The following KDM2A variants were observed in gnomAD, a reference collection of about 807,000 sequenced individuals.
KDM2A encodes the protein lysine demethylase 2A.
Under a neutral mutation model 137.3 loss-of-function variants are expected in KDM2A, and 3 were observed. The ratio of observed to expected loss-of-function variants is 0.02; its 90% CI spans 0.01 to 0.06. The LOEUF (loss-of-function observed/expected upper bound fraction) is 0.06, where lower values mean the gene tolerates loss of function less well. Among genes scored for constraint, KDM2A ranks in the 10% least tolerant of loss-of-function variants. The probability of loss-of-function intolerance (pLI) is 1.00; values close to 1 mark genes in which losing one functional copy is unlikely to be tolerated. For synonymous variants in KDM2A, 512 were observed against 541.5 expected (o/e 0.95, Z 0.76); for missense variants, 738 against 1,510.6 (o/e 0.49, Z 8.48).
chr11:67,238,024 C>G (rs1333090877), intron 12 of KDM2A, among the ~76,000 whole-genome samples: 1 of 151,970 alleles, frequency 6.6e-6, no homozygotes, highest in Non-Finnish European at 1.5e-5. Context: ...TTCATACATT[C>G]TTACTGAATA....
intron 5 of KDM2A, among the ~76,000 whole-genome samples, chr11:67,185,621 G>A (rs1012631158): frequency 4.7e-5 from 7 of 149,668 alleles, no homozygotes; most frequent in Non-Finnish European, 8.9e-5. Flanking sequence ...CCTTGGTGAC[G>A]AGCGAAACTC....
intron 5 of KDM2A, among the ~76,000 whole-genome samples, chr11:67,203,859 GGTGCGATCTT>G (rs1357210859): frequency 6.6e-6 from 1 of 150,878 alleles, no homozygotes; most frequent in Non-Finnish European, 1.5e-5. Flanking sequence ...GGAGTGCAGT[GGTGCGATCTT>G]GGCTCACTGC....
At chr11:67,146,587 C>T (rs1162326152) in intron 2 of KDM2A, among the ~76,000 whole-genome samples, 3 of 152,094 alleles carry the variant, frequency 2.0e-5, no homozygotes, top group African/African-American at 7.2e-5. Flanking sequence ...AGGTTCACTG[C>T]AACCTCCACC....
At position 67,215,289 on chromosome 11, in the gene KDM2A, TG is replaced by T; in HGVS notation, c.487-50del. On this transcript the variant is annotated intron_variant, in intron 6 of 20. Coordinates refer to ENST00000529006, the MANE Select transcript of KDM2A (RefSeq NM_012308.3). ...CTTTTCTTGACTTTAAAATTATCTT[TG>T]ACCCCAACCTTTCCCTTGGAGCCCA... 4 of 1,195,422 alleles carry T rather than the reference TG, an allele frequency of 3.3e-6. No individual in the cohort carries two copies. In the East Asian group the frequency reaches 9.5e-5, roughly 28 times the overall value. 74.1% of individuals were successfully genotyped at this position (1,195,422 alleles called of 1,614,324 possible).
rs1856890866 is a variant in KDM2A, at chr11:67,172,003, T to G, written c.43-8076T>G. Among the ~76,000 whole-genome samples the G allele has an allele frequency of 2.0e-5, 3 of 152,308 alleles. No individual in the cohort carries two copies. The South Asian group carries it at 6.2e-4, about 32-fold the overall frequency. ...TAGTGAGTTCTTCACTCTTCTTTTT[T>G]CTTTGGAGGCAGGATCTCACTCTGT... On this transcript the variant is annotated intron_variant, in intron 2 of 20. Transcript: ENST00000529006.
intron 5 of KDM2A, among the ~76,000 whole-genome samples, chr11:67,187,004 A>G (rs994831347): frequency 2.0e-5 from 3 of 152,240 alleles, no homozygotes; most frequent in African/African-American, 7.2e-5. Context: ...TTGTGACATC[A>G]GTAACCAAAA....
At chr11:67,208,112 A>G (rs896686632) in intron 6 of KDM2A, among the ~76,000 whole-genome samples, 1 of 151,730 alleles carries the variant, frequency 6.6e-6, no homozygotes, top group East Asian at 1.9e-4. Flanking sequence ...GCTGAAGGTA[A>G]ACAAGACTAT....
At chr11:67,215,620 G>A (rs770083425) in intron 7 of KDM2A, 174 bp downstream of exon 7, 15 of 616,388 alleles carry the variant, frequency 2.4e-5, no homozygotes, top group Non-Finnish European at 4.3e-5. Context: ...GCATACCATA[G>A]CACACAACCA....
At chr11:67,179,117 T>C (rs1267806892) in intron 2 of KDM2A, among the ~76,000 whole-genome samples, 3 of 152,182 alleles carry the variant, frequency 2.0e-5, no homozygotes, top group African/African-American at 7.2e-5. Context: ...GGTATTTCAT[T>C]GTGGTTTTTG....
chr11:67,235,259 T>G (rs927310957), intron 12 of KDM2A, among the ~76,000 whole-genome samples: 11 of 151,970 alleles, frequency 7.2e-5, no homozygotes, highest in African/African-American at 9.6e-5. Flanking sequence ...ATGTTGACTC[T>G]TGAAAGTGTA....
intron 10 of KDM2A, among the ~76,000 whole-genome samples, chr11:67,220,635 T>C (rs1201354711): frequency 1.3e-5 from 2 of 152,196 alleles, no homozygotes. Context: ...AGAAAAAAGT[T>C]AATTTATTAT....
intron 2 of KDM2A, among the ~76,000 whole-genome samples, chr11:67,126,295 C>A (rs1355517111): frequency 6.6e-6 from 1 of 151,282 alleles, no homozygotes; most frequent in African/African-American, 2.4e-5. Context: ...TTGTCTTTTG[C>A]CAGTTATGGT....
At chr11:67,229,713 TA>T (rs1590808684) in intron 11 of KDM2A, among the ~76,000 whole-genome samples, 2 of 144,046 alleles carry the variant, frequency 1.4e-5, no homozygotes, top group East Asian at 4.2e-4. Context: ...TACTAAAAAA[TA>T]CAGAAATTAG....
intron 5 of KDM2A, among the ~76,000 whole-genome samples, chr11:67,206,067 A>G (rs928755348): frequency 6.6e-6 from 1 of 152,222 alleles, no homozygotes; most frequent in Non-Finnish European, 1.5e-5. Context: ...GGTGATACTC[A>G]TTCTCCACAA....
rs548074852 is a variant in KDM2A, at chr11:67,248,337, G to A, written c.2022G>A (p.Lys674=). The A allele has an allele frequency of 1.2e-6, 2 of 1,607,418 alleles. No individual in the cohort carries two copies. The highest frequency in any genetic ancestry group is 2.2e-5 in the South Asian group (2 of 89,334). The change falls in exon 16 of 21, where the codon AAG becomes AAA. Residue 674 remains lysine, a synonymous_variant. Coordinates refer to ENST00000529006, the MANE Select transcript of KDM2A (RefSeq NM_012308.3). The part of the protein sequence containing the change: ...EELPNCWECP[K]CYQEDSSEKA... ...TGCCAAATTGCTGGGAATGTCCAAA[G>A]TGCTACCAGGAGGACAGCTCGGAGA...
intron 2 of KDM2A, among the ~76,000 whole-genome samples, chr11:67,146,436 A>C (rs760560082): frequency 2.0e-5 from 3 of 152,156 alleles, no homozygotes; most frequent in Non-Finnish European, 4.4e-5. Flanking sequence ...CATATGGTAG[A>C]AGTTAAAACA....
intron 2 of KDM2A, among the ~76,000 whole-genome samples, chr11:67,156,596 G>A (rs535488945): frequency 3.9e-5 from 6 of 152,012 alleles, no homozygotes; most frequent in Non-Finnish European, 7.4e-5. Context: ...GTAGGCGCCT[G>A]TAGTCCCAGC....
intron 5 of KDM2A, among the ~76,000 whole-genome samples, chr11:67,201,201 A>ATAT (rs1243540994): frequency 3.6e-5 from 3 of 83,854 alleles, no homozygotes; most frequent in Non-Finnish European, 7.4e-5. Context: ...CTCAAAAAAA[A>ATAT]AAATATATAT....
intron 5 of KDM2A, among the ~76,000 whole-genome samples, chr11:67,203,764 AAG>A (rs1857718440): frequency 6.6e-6 from 1 of 151,646 alleles, no homozygotes. Flanking sequence ...AAAAGGAAAA[AAG>A]AATAAAATGC....
Sources: gnomAD v4.1 joint callset for allele counts (sites outside exome capture counted in the v4.1 genomes callset) on GRCh38, gnomAD v4.1.1 for gene constraint, MANE v1.5 for transcripts, NCBI Gene and HGNC (gene_info 2026-07-23, HGNC 2026-07-21) for gene names.